The following SRD5A1 variants were observed in gnomAD, a reference collection of about 807,000 sequenced individuals.
SRD5A1 encodes the protein 3-oxo-5-alpha-steroid 4-dehydrogenase 1.
SRD5A1 carries 22 observed loss-of-function variants against 28.2 expected under a neutral mutation model. The observed-to-expected ratio is 0.78, with a 90% CI of 0.56 to 1.12. The LOEUF (loss-of-function observed/expected upper bound fraction) is 1.12. Among genes scored for constraint, SRD5A1 ranks in the 50% most tolerant of loss-of-function variants. SRD5A1 has a pLI of 0.00. For missense variants in SRD5A1, 300 were observed against 346.7 expected (o/e 0.87, Z 1.07); for synonymous variants, 151 against 135.0 (o/e 1.12, Z -0.82).
At chr5:6,657,852 A>C (rs1384692499) in intron 3 of SRD5A1, among the ~76,000 whole-genome samples, 1 of 150,286 alleles carries the variant, frequency 6.7e-6, no homozygotes, top group Non-Finnish European at 1.5e-5. Flanking sequence ...TCCTGCTCTC[A>C]GTGTCTGATC....
At chr5:6,661,972 C>T (rs1230608315) in intron 3 of SRD5A1, among the ~76,000 whole-genome samples, 1 of 152,238 alleles carries the variant, frequency 6.6e-6, no homozygotes, top group Non-Finnish European at 1.5e-5. Context: ...AAGCTACAGC[C>T]TGAGGGTGAG....
rs1270645728 is a variant in SRD5A1, at chr5:6,668,555, G to T, written c.*287G>T. On this transcript the variant is annotated 3_prime_UTR_variant, in exon 5 of 5. Transcript: ENST00000274192. ...AATTTACCTCTTTTGGCTATGTCTT[G>T]CCAAGTGTGTATGAGACTAGACTTT... The T allele has an allele frequency of 3.7e-6, 1 of 273,642 alleles. No homozygotes were observed. Among genetic ancestry groups the T allele is most frequent in the African/African-American group, 2.2e-5 (1 of 44,572 alleles). The allele number at this position is 273,642 out of a possible 1,614,324, so 17.0% of individuals were successfully genotyped here. A position where few individuals can be genotyped will look rare whatever the true frequency, so the allele number is the denominator to read the frequency against.
At chr5:6,652,696 A>G (rs948032524) in intron 2 of SRD5A1, among the ~76,000 whole-genome samples, 1 of 151,848 alleles carries the variant, frequency 6.6e-6, no homozygotes, top group Non-Finnish European at 1.5e-5. Flanking sequence ...ACATGGCGAA[A>G]CTCCAGCTCT....
chr5:6,657,965 C>A (rs1420085275), intron 3 of SRD5A1, among the ~76,000 whole-genome samples: 1 of 152,226 alleles, frequency 6.6e-6, no homozygotes, highest in Non-Finnish European at 1.5e-5. Context: ...GCAAAACTTA[C>A]CTGAGCAGAA....
Position 6,663,721 on chromosome 5 carries a change from G to A in SRD5A1, c.713+755G>A, listed in dbSNP as rs1389797675. Among the ~76,000 whole-genome samples the A allele has an allele frequency of 2.0e-5, 3 of 152,030 alleles. No homozygotes were observed. The East Asian group carries it at 5.8e-4, about 29-fold the overall frequency. On this transcript the variant is annotated intron_variant, in intron 4 of 4. Coordinates refer to ENST00000274192, the MANE Select transcript of SRD5A1 (RefSeq NM_001047.4). ...CTAAAAATACAAAAATTAGTCAGGCGTGGTGGCGGGCGCCTGTAATCCCAG... is the reference window on the plus strand; with the variant it reads ...CTAAAAATACAAAAATTAGTCAGGCATGGTGGCGGGCGCCTGTAATCCCAG...
intron 4 of SRD5A1, among the ~76,000 whole-genome samples, chr5:6,666,412 C>T (rs574619138): frequency 6.6e-4 from 100 of 152,292 alleles, no homozygotes; most frequent in East Asian, 1.9e-3. Context: ...CCTCCCAAAG[C>T]ACTGGAATTA....
At position 6,636,940 on chromosome 5, in the gene SRD5A1, G is replaced by C. The variant is rs904673738; in HGVS notation, c.293+3071G>C. Among the ~76,000 whole-genome samples the C allele has an allele frequency of 7.2e-5, 11 of 152,234 alleles. No individual in the cohort carries two copies. The East Asian group carries it at 1.7e-3, about 24-fold the overall frequency. On this transcript the variant is annotated intron_variant, in intron 1 of 4. Coordinates refer to ENST00000274192, the MANE Select transcript of SRD5A1 (RefSeq NM_001047.4). ...GGGACAGGGCTGGGGTGGGGGGATA[G>C]CCATGACGCAGGACGAGCTGTGGTC...
chr5:6,658,968 T>A lies in SRD5A1; in HGVS notation c.562+2789T>A, dbSNP rs185756642. The stretch of plus-strand genomic sequence containing the variant: ...TCTCCACAAAAAAATTGAAAGAAAA[T>A]TAGCCAGGCATGGTGGTGCACACCT... On this transcript the variant is annotated intron_variant, in intron 3 of 4. Coordinates refer to ENST00000274192, the MANE Select transcript of SRD5A1 (RefSeq NM_001047.4). Among the ~76,000 whole-genome samples the A allele has an allele frequency of 4.1e-3, 616 of 151,650 alleles. 1 individual carries two copies. The highest frequency in any genetic ancestry group is 6.0e-3 in the Non-Finnish European group (410 of 67,852).
At chr5:6,652,091 C>T in intron 2 of SRD5A1, 83 bp downstream of exon 2, 1 of 1,433,580 alleles carries the variant, frequency 7.0e-7, no homozygotes, top group Non-Finnish European at 9.4e-7. Context: ...ATGAGAAAGT[C>T]CAAGCTTCCT....
intron 1 of SRD5A1, among the ~76,000 whole-genome samples, chr5:6,647,195 AC>A (rs1249912923): frequency 6.6e-6 from 1 of 152,158 alleles, no homozygotes. Flanking sequence ...TTTACTTCCA[AC>A]CATGTGGTCA....
At chr5:6,637,994 G>T (rs1028289546) in intron 1 of SRD5A1, among the ~76,000 whole-genome samples, 1 of 152,214 alleles carries the variant, frequency 6.6e-6, no homozygotes, top group African/African-American at 2.4e-5. Context: ...ACACAGCAGG[G>T]AACTTTGAGG....
rs1048813169 is a variant in SRD5A1 at position 6,669,239 on chromosome 5, G to A, written c.*971G>A. 1 of 152,166 alleles carries A rather than the reference G, an allele frequency of 6.6e-6. No individual in the cohort carries two copies. The highest frequency in any genetic ancestry group is 1.5e-5 in the Non-Finnish European group (1 of 68,022). The allele number at this position is 152,166 out of a possible 1,614,324, so 9.4% of individuals were successfully genotyped here. On this transcript the variant is annotated 3_prime_UTR_variant, in exon 5 of 5. Coordinates refer to ENST00000274192, the MANE Select transcript of SRD5A1 (RefSeq NM_001047.4). ...TTATCCTGTTTGTTCTTTGTTGATT[G>A]AAACATAATAATTGTTAAAATTCTC...
In SRD5A1 at chr5:6,670,021, G is replaced by A. The variant is rs1490087177; in HGVS notation, c.*1753G>A. On this transcript the variant is annotated 3_prime_UTR_variant, in exon 5 of 5. Transcript: ENST00000274192. ...GAGGGAAATGAGCATCTCAAAGTGA[G>A]ACCAACTAAACATGGCGCCTGCAGC... 1 of 152,590 alleles carries A rather than the reference G, an allele frequency of 6.6e-6. No homozygotes were observed. The highest frequency in any genetic ancestry group is 1.5e-5 in the Non-Finnish European group (1 of 68,362). The allele number at this position is 152,590 out of a possible 1,614,324, so 9.5% of individuals were successfully genotyped here. A position where few individuals can be genotyped will look rare whatever the true frequency, so the allele number is the denominator to read the frequency against.
Position 6,656,314 on chromosome 5 carries a change from A to G in SRD5A1, c.562+135A>G, listed in dbSNP as rs185528685. The G allele has an allele frequency of 1.9e-4, 133 of 700,964 alleles. No individual in the cohort carries two copies. In the African/African-American group the frequency reaches 2.2e-3, roughly 12 times the overall value. 43.4% of individuals were successfully genotyped at this position (700,964 alleles called of 1,614,324 possible). A position where few individuals can be genotyped will look rare whatever the true frequency, so the allele number is the denominator to read the frequency against. ...TTTTCAGTGTAAGTCATCATTATTA[A>G]TAACAAGTGCTATTGTTATTGTCTT... is the stretch of plus-strand genomic sequence containing the variant. On this transcript the variant is annotated intron_variant, in intron 3 of 4. Transcript: ENST00000274192.
chr5:6,669,953 C>T lies in SRD5A1; in HGVS notation c.*1685C>T, dbSNP rs1739312744. 6.6e-6 allele frequency: 1 copy of T among 152,498 alleles called. No individual in the cohort carries two copies. The highest frequency in any genetic ancestry group is 1.5e-5 in the Non-Finnish European group (1 of 68,200). 9.4% of individuals were successfully genotyped at this position (152,498 alleles called of 1,614,324 possible). A position where few individuals can be genotyped will look rare whatever the true frequency, so the allele number is the denominator to read the frequency against. ...CAGAGAGGCCATGACAGTGCACACC[C>T]TGCGGAGACCCTGGGTCCTCACATC... On this transcript the variant is annotated 3_prime_UTR_variant, in exon 5 of 5. Transcript: ENST00000274192.
intron 4 of SRD5A1, among the ~76,000 whole-genome samples, chr5:6,667,087 A>G (rs1739207223): frequency 6.6e-6 from 1 of 152,144 alleles, no homozygotes; most frequent in African/African-American, 2.4e-5. Context: ...GCCTCTAACC[A>G]GCGAACATGT....
intron 1 of SRD5A1, among the ~76,000 whole-genome samples, chr5:6,649,136 C>G: frequency 6.6e-6 from 1 of 152,320 alleles, no homozygotes; most frequent in East Asian, 1.9e-4. Flanking sequence ...CCAGCCAGAG[C>G]TCTCCAGTAT....
intron 1 of SRD5A1, among the ~76,000 whole-genome samples, chr5:6,634,220 G>C (rs915332170): frequency 2.0e-5 from 3 of 152,248 alleles, no homozygotes; most frequent in Non-Finnish European, 4.4e-5. Flanking sequence ...CCAGTTACTC[G>C]GGAGTCTGAG....
At chr5:6,638,607 C>G (rs542007173) in intron 1 of SRD5A1, among the ~76,000 whole-genome samples, 1 of 152,356 alleles carries the variant, frequency 6.6e-6, no homozygotes, top group East Asian at 1.9e-4. Flanking sequence ...GACACCATCT[C>G]AGCCTGATGG....
Sources: gnomAD v4.1 joint callset for allele counts (sites outside exome capture counted in the v4.1 genomes callset) on GRCh38, gnomAD v4.1.1 for gene constraint, MANE v1.5 for transcripts, NCBI Gene and HGNC (gene_info 2026-07-23, HGNC 2026-07-21) for gene names.